Variants in PIK3C2B observed in about 807,000 individuals in gnomAD.
The protein encoded by PIK3C2B is phosphatidylinositol 4-phosphate 3-kinase C2 domain-containing subunit beta.
In PIK3C2B, 83 loss-of-function variants were observed where a neutral mutation model predicts 184.3. The observed-to-expected ratio is 0.45, with a 90% CI of 0.38 to 0.54. The LOEUF (loss-of-function observed/expected upper bound fraction) is 0.54. PIK3C2B is among the 20% of genes least tolerant of loss of function. The pLI is 0.00. For missense variants in PIK3C2B, 1,736 were observed against 2,113.5 expected, an observed-to-expected ratio of 0.82 and a Z score of 3.50; for synonymous variants, 779 against 837.6, an observed-to-expected ratio of 0.93 and a Z score of 1.21.
In PIK3C2B at chr1:204,453,289, C is replaced by A. The variant is rs192489929; in HGVS notation, c.2066+1380G>T. Among the ~76,000 whole-genome samples the A allele has an allele frequency of 9.7e-4, 148 of 152,260 alleles. 1 individual carries two copies. Among genetic ancestry groups the A allele is most frequent in the African/African-American group, 3.5e-3 (146 of 41,556 alleles). ...CAGATGAAGCACAGGGCAGGAAAAC[C>A]CCTGCGGTGCCCCCATTCAAGCAAG... is the stretch of plus-strand genomic sequence containing the variant. On this transcript the variant is annotated intron_variant, in intron 12 of 32. Coordinates refer to ENST00000684373, the MANE Select transcript of PIK3C2B (RefSeq NM_001377334.1).
chr1:204,485,026 A>G (rs1657474050), intron 1 of PIK3C2B, among the ~76,000 whole-genome samples: 2 of 151,372 alleles, frequency 1.3e-5, no homozygotes, highest in African/African-American at 4.9e-5. Context: ...GCTGAGCTAT[A>G]ACCAGTCTTC....
intron 11 of PIK3C2B, 35 bp downstream of exon 11, chr1:204,455,821 C>T (rs751423916): frequency 1.9e-6 from 3 of 1,552,462 alleles, no homozygotes; most frequent in South Asian, 1.2e-5. Context: ...TCAAACTCAG[C>T]TTGCTCCCTA....
At position 204,464,596 on chromosome 1, in the gene PIK3C2B, G is replaced by T; in HGVS notation, c.1043C>A (p.Ser348Tyr). The T allele has an allele frequency of 3.1e-6, 5 of 1,613,976 alleles. No homozygotes were observed. Among genetic ancestry groups the T allele is most frequent in the Non-Finnish European group, 4.2e-6 (5 of 1,179,898 alleles). ...GAAGTAGTCTTGGATGTCAGAGCCA[G>T]ATCGAAGGCTGTACAGGAAGAAAAA... The part of the protein sequence containing the change: ...AFCHMLDILR[S>Y]GSDIQDYFLT... The change falls in exon 4 of 33, where the codon TCT (serine) becomes TAT (tyrosine). Residue 348 changes from serine (S) to tyrosine (Y), a missense_variant. By Grantham distance (144) the Ser-to-Tyr change is moderately radical. This residue lies in a region of PIK3C2B where 609 missense variants were observed against 699.2 expected (regional missense o/e 0.87). Transcript: ENST00000684373.
Position 204,456,873 on chromosome 1 carries a change from A to AACACACAC in PIK3C2B, c.1747+156_1747+163dup, listed in dbSNP as rs747482741. 3.7e-3 allele frequency among the ~76,000 whole-genome samples: 518 copies of AACACACAC among 141,592 alleles called. 2 individuals are homozygous for AACACACAC. Among genetic ancestry groups the AACACACAC allele is most frequent in the East Asian group, 0.019 (88 of 4,716 alleles). 92.9% of individuals were successfully genotyped at this position (141,592 alleles called of 152,430 possible). ...CAGCTGTATCCACACCTCATATAGG[A>AACACACAC]ACACACACACACACACACACACACA... On this transcript the variant is annotated intron_variant, in intron 10 of 32. Coordinates refer to ENST00000684373, the MANE Select transcript of PIK3C2B (RefSeq NM_001377334.1).
Position 204,477,209 on chromosome 1 carries a change from T to C in PIK3C2B, c.-84-7323A>G, listed in dbSNP as rs913651685. 3.3e-5 allele frequency among the ~76,000 whole-genome samples: 5 copies of C among 152,290 alleles called. No homozygotes were observed. The East Asian group carries it at 7.7e-4, about 24-fold the overall frequency. ...ATTGTCATCTGCGAAGCTTTAAAAA[T>C]ATACACATTCCCGACCTCTCCTCTG... On this transcript the variant is annotated intron_variant, in intron 1 of 32. Coordinates refer to ENST00000684373, the MANE Select transcript of PIK3C2B (RefSeq NM_001377334.1).
At chr1:204,442,396 C>T in intron 20 of PIK3C2B, 130 bp downstream of exon 20, 1 of 633,536 alleles carries the variant, frequency 1.6e-6, no homozygotes. Flanking sequence ...AGGCCAAGAC[C>T]ACATGGTAAG....
At chr1:204,458,024 C>T in intron 8 of PIK3C2B, 150 bp from the exon 9 acceptor site, 1 of 676,156 alleles carries the variant, frequency 1.5e-6, no homozygotes, top group East Asian at 3.0e-5. Flanking sequence ...ATTTTATTTT[C>T]AAATATTCAT....
intron 23 of PIK3C2B, chr1:204,435,657 G>A (rs1675304248): frequency 6.6e-6 from 1 of 152,120 alleles, no homozygotes; most frequent in South Asian, 2.1e-4. Flanking sequence ...CATTCATACA[G>A]CACTGACTTT....
intron 26 of PIK3C2B, among the ~76,000 whole-genome samples, chr1:204,432,694 AATATC>A: frequency 6.6e-6 from 1 of 152,290 alleles, no homozygotes; most frequent in East Asian, 1.9e-4. Context: ...TAAATGTCTA[AATATC>A]AAAAAATTTC....
At chr1:204,441,210 A>G (rs1335238115) in intron 21 of PIK3C2B, among the ~76,000 whole-genome samples, 3 of 152,042 alleles carry the variant, frequency 2.0e-5, no homozygotes, top group Admixed American at 6.5e-5. Context: ...TACCCAACCC[A>G]TTGTTGAGGG....
At chr1:204,445,267 G>A (rs933481261) in intron 16 of PIK3C2B, among the ~76,000 whole-genome samples, 1 of 151,122 alleles carries the variant, frequency 6.6e-6, no homozygotes, top group Non-Finnish European at 1.5e-5. Context: ...TGCCAAAGCA[G>A]GGAGTTTAAT....
chr1:204,482,733 G>C (rs560860252), intron 1 of PIK3C2B, among the ~76,000 whole-genome samples: 1 of 151,768 alleles, frequency 6.6e-6, no homozygotes, highest in African/African-American at 2.4e-5. Flanking sequence ...GCAGTGAGCC[G>C]AGATCGCGCC....
intron 5 of PIK3C2B, 93 bp downstream of exon 5, chr1:204,463,919 A>T (rs926744284): frequency 7.6e-7 from 1 of 1,316,960 alleles, no homozygotes; most frequent in South Asian, 1.3e-5. Flanking sequence ...ATTGGGGCGG[A>T]GCTGCCAGGC....
chr1:204,482,487 C>T (rs549180763), intron 1 of PIK3C2B, among the ~76,000 whole-genome samples: 3 of 152,286 alleles, frequency 2.0e-5, no homozygotes, highest in East Asian at 1.9e-4. Context: ...CAGGATGCAA[C>T]GCCTTAAGAG....
chr1:204,492,970 C>A (rs534510501), intron 1 of PIK3C2B, among the ~76,000 whole-genome samples: 1 of 152,184 alleles, frequency 6.6e-6, no homozygotes, highest in Non-Finnish European at 1.5e-5. Context: ...TGTGCCTCGA[C>A]TTAATTTTTC....
intron 1 of PIK3C2B, among the ~76,000 whole-genome samples, chr1:204,493,794 C>T (rs1658173675): frequency 6.6e-6 from 1 of 152,112 alleles, no homozygotes; most frequent in African/African-American, 2.4e-5. Flanking sequence ...CCAGCACCGG[C>T]GAACTCAGGC....
intron 11 of PIK3C2B, among the ~76,000 whole-genome samples, chr1:204,455,582 C>T (rs893255340): frequency 2.0e-5 from 3 of 152,082 alleles, no homozygotes; most frequent in Non-Finnish European, 4.4e-5. Flanking sequence ...GGTCTTGGAT[C>T]TGGAGGGGGC....
chr1:204,460,778 C>A (rs1655271217), intron 5 of PIK3C2B, 117 bp from the exon 6 acceptor site: 3 of 697,472 alleles, frequency 4.3e-6, no homozygotes, highest in Non-Finnish European at 7.9e-6. Context: ...GGGGGTAGTA[C>A]CCGTGTTGTA....
chr1:204,438,888 A>G lies in PIK3C2B; in HGVS notation c.3516+47T>C, dbSNP rs751849425. 3.2e-6 allele frequency: 5 copies of G among 1,583,164 alleles called. 1 individual carries two copies. In the South Asian group the frequency reaches 5.6e-5, roughly 18 times the overall value. On this transcript the variant is annotated intron_variant, in intron 23 of 32. Coordinates refer to ENST00000684373, the MANE Select transcript of PIK3C2B (RefSeq NM_001377334.1). ...TGTGGTTAAAGAGCTGTGTGCCGGC[A>G]TCAGGCACACACACACACCAGACGC...
Sources: allele counts gnomAD v4.1 joint callset (sites outside exome capture counted in the v4.1 genomes callset), GRCh38; gene constraint gnomAD v4.1.1; regional missense constraint gnomAD v4.1.1; transcripts MANE v1.5; gene names NCBI Gene and HGNC (gene_info 2026-07-23, HGNC 2026-07-21).